Variants in LRRK2 observed in about 807,000 individuals in gnomAD.
The protein encoded by LRRK2 is leucine rich repeat kinase 2.
A neutral mutation model predicts 302.6 loss-of-function variants in LRRK2; 203 were observed. The observed-to-expected ratio is 0.67, with a 90% confidence interval of 0.60 to 0.75. LRRK2 has a LOEUF of 0.75. LRRK2 is among the 30% of genes least tolerant of loss of function. The pLI is 0.00. For missense variants in LRRK2, 2,830 were observed against 2,951.0 expected, an observed-to-expected ratio of 0.96 and a Z score of 0.95; for synonymous variants, 1,066 against 1,031.9, an observed-to-expected ratio of 1.03 and a Z score of -0.63.
At chr12:40,340,630 A>G (rs1055202883) in intron 41 of LRRK2, among the ~76,000 whole-genome samples, 176 bp downstream of exon 41, 4 of 152,230 alleles carry the variant, frequency 2.6e-5, no homozygotes, top group Non-Finnish European at 4.4e-5. Flanking sequence ...TTTTGTAGGA[A>G]AAAAACAATT....
At position 40,323,415 on chromosome 12, in the gene LRRK2, T is replaced by A. The variant is rs1317522277; in HGVS notation, c.5656+109T>A. 20 of 938,222 alleles carry A rather than the reference T, an allele frequency of 2.1e-5. No homozygotes were observed. The African/African-American group carries it at 2.9e-4, about 13-fold the overall frequency. 58.1% of individuals were successfully genotyped at this position (938,222 alleles called of 1,614,324 possible). On this transcript the variant is annotated intron_variant, in intron 38 of 50. Transcript: ENST00000298910. ...TGTCATAGATTTTACTGTCTTCATA[T>A]ATTTGTTATAATTTTTGTATTTGGA...
intron 40 of LRRK2, among the ~76,000 whole-genome samples, chr12:40,335,778 C>T (rs1347221665): frequency 2.0e-5 from 3 of 152,168 alleles, no homozygotes; most frequent in African/African-American, 7.2e-5. Flanking sequence ...ATGATGACTT[C>T]TGTAATAATT....
At chr12:40,283,841 A>C in intron 18 of LRRK2, 34 bp from the exon 19 acceptor site, 1 of 1,570,466 alleles carries the variant, frequency 6.4e-7, no homozygotes, top group South Asian at 1.2e-5. Context: ...AAAAATGTAG[A>C]TTTTTAATAT....
intron 19 of LRRK2, among the ~76,000 whole-genome samples, 177 bp from the exon 20 acceptor site, chr12:40,287,174 A>G (rs1293002670): frequency 6.6e-6 from 1 of 151,992 alleles, no homozygotes; most frequent in African/African-American, 2.4e-5. Context: ...GTTTTTTTAA[A>G]AAATATATGA....
At chr12:40,247,336 T>G (rs1245801430) in intron 7 of LRRK2, among the ~76,000 whole-genome samples, 1 of 151,702 alleles carries the variant, frequency 6.6e-6, no homozygotes, top group African/African-American at 2.4e-5. Context: ...GTTATATGAC[T>G]AAAACTGTAA....
Position 40,304,045 on chromosome 12 carries a change from A to G in LRRK2, c.3688A>G (p.Asn1230Asp). ...CTTAAGGGAACTCTTATTTAGCCATAATCAGATCAGCATCTTGGACTTGAG... is the reference window on the plus strand; with the variant it reads ...CTTAAGGGAACTCTTATTTAGCCATGATCAGATCAGCATCTTGGACTTGAG... ...LNLRELLFSH[N>D]QISILDLSEK... The change falls in exon 27 of 51, where the codon AAT becomes GAT. Residue 1230 changes from asparagine (N) to aspartate (D), a missense_variant. This residue lies in a region of LRRK2 where 2,121 missense variants were observed against 2,148.0 expected (regional missense o/e 0.99). Transcript: ENST00000298910. The G allele has an allele frequency of 6.2e-7, 1 of 1,613,776 alleles. No individual in the cohort carries two copies.
chr12:40,344,671 A>G (rs1946140140), intron 41 of LRRK2, among the ~76,000 whole-genome samples: 1 of 152,178 alleles, frequency 6.6e-6, no homozygotes, highest in Non-Finnish European at 1.5e-5. Flanking sequence ...TGATTTGTTT[A>G]CATTATGTCA....
chr12:40,290,989 ATG>A (rs981967910), intron 20 of LRRK2, among the ~76,000 whole-genome samples: 58 of 152,198 alleles, frequency 3.8e-4, no homozygotes, highest in Middle Eastern at 3.4e-3. Flanking sequence ...CAATATTTTG[ATG>A]TGTCCTCTTT....
chr12:40,313,056 T>C (rs536442715), intron 31 of LRRK2: 2 of 152,160 alleles, frequency 1.3e-5, no homozygotes, highest in South Asian at 2.1e-4. Context: ...AGTTAATTTT[T>C]TTCTGTGTGT....
At chr12:40,295,711 CA>C in intron 23 of LRRK2, 67 bp downstream of exon 23, 1 of 1,447,148 alleles carries the variant, frequency 6.9e-7, no homozygotes, top group South Asian at 1.2e-5. Flanking sequence ...ATCTAATTTG[CA>C]TAATTAAGTC....
At position 40,282,074 on chromosome 12, in the gene LRRK2, CCTTCCCTTCCCTTCT is replaced by C. The variant is rs1943728513; in HGVS notation, c.2242-1793_2242-1779del. Among the ~76,000 whole-genome samples, 10 of 35,706 alleles carry C rather than the reference CCTTCCCTTCCCTTCT, an allele frequency of 2.8e-4. 2 individuals carry two copies. The highest frequency in any genetic ancestry group is 1.6e-3 in the South Asian group (1 of 612). The allele number at this position is 35,706 out of a possible 152,430, so 23.4% of individuals were successfully genotyped here. A position where few individuals can be genotyped will look rare whatever the true frequency, so the allele number is the denominator to read the frequency against. ...CCTTCCCTTCCCTTCCCTTCCCTTC[CCTTCCCTTCCCTTCT>C]CTTCCCTCCCCTCCCCTTCTCTTCC... On this transcript the variant is annotated intron_variant, in intron 18 of 50. Transcript: ENST00000298910.
In LRRK2 at chr12:40,278,013, A is replaced by G. The variant is rs1267546932; in HGVS notation, c.2067A>G (p.Gln689=). The G allele has an allele frequency of 6.2e-7, 1 of 1,613,756 alleles. No individual in the cohort carries two copies. The highest frequency in any genetic ancestry group is 1.3e-5 in the African/African-American group (1 of 74,932). ...CCAATATCATGGAACAAAAGGATCA[A>G]CAGGTACAGTGTTTTTCACTTGCAT... is the stretch of plus-strand genomic sequence containing the variant. ...MSSNIMEQKD[Q]QFLNLCCKCF... is the part of the protein sequence containing the mutation. The change falls in exon 17 of 51, where the codon CAA becomes CAG. Residue 689 remains glutamine (Q), a synonymous_variant. Coordinates refer to ENST00000298910, the MANE Select transcript of LRRK2 (RefSeq NM_198578.4).
At chr12:40,291,301 G>A (rs1186979674) in intron 20 of LRRK2, among the ~76,000 whole-genome samples, 1 of 151,732 alleles carries the variant, frequency 6.6e-6, no homozygotes, top group Non-Finnish European at 1.5e-5. Context: ...AAGGGGGAGG[G>A]ATAGCATTAG....
chr12:40,303,560 T>G (rs1944702282), intron 26 of LRRK2, among the ~76,000 whole-genome samples: 1 of 152,112 alleles, frequency 6.6e-6, no homozygotes, highest in Non-Finnish European at 1.5e-5. Context: ...TTCTGTGAGC[T>G]TATATTTAGG....
intron 48 of LRRK2, among the ~76,000 whole-genome samples, chr12:40,364,630 A>G (rs1946821723): frequency 6.6e-6 from 1 of 151,800 alleles, no homozygotes; most frequent in Non-Finnish European, 1.5e-5. Flanking sequence ...ATGAAGGGCT[A>G]TTGTTATCTT....
At chr12:40,360,796 T>C (rs569183719) in intron 47 of LRRK2, among the ~76,000 whole-genome samples, 2 of 152,172 alleles carry the variant, frequency 1.3e-5, no homozygotes, top group East Asian at 3.9e-4. Context: ...TTGACTCAGA[T>C]CTCTAAGACA....
rs1941250201 is a variant in LRRK2, at chr12:40,232,496, T to C, written c.347+113T>C. The stretch of plus-strand genomic sequence containing the variant: ...CCAAGGCTACTCCTGTGGAATTCTT[T>C]AAAATACAGATATTTTTCCTTGAGT... On this transcript the variant is annotated intron_variant, in intron 3 of 50. Transcript: ENST00000298910. The C allele has an allele frequency of 1.3e-5, 10 of 780,384 alleles. No individual in the cohort carries two copies. In the South Asian group the frequency reaches 1.5e-4, roughly 11 times the overall value. The allele number at this position is 780,384 out of a possible 1,614,324, so 48.3% of individuals were successfully genotyped here. A position where few individuals can be genotyped will look rare whatever the true frequency, so the allele number is the denominator to read the frequency against.
intron 2 of LRRK2, among the ~76,000 whole-genome samples, chr12:40,228,583 G>A (rs954108532): frequency 4.0e-5 from 6 of 151,500 alleles, no homozygotes; most frequent in African/African-American, 1.5e-4. Flanking sequence ...TCTTTGTTGT[G>A]CAGAAGCTTT....
intron 20 of LRRK2, among the ~76,000 whole-genome samples, chr12:40,292,107 C>G (rs539839889): frequency 6.6e-6 from 1 of 152,094 alleles, no homozygotes; most frequent in African/African-American, 2.4e-5. Flanking sequence ...ATCTCAGTCT[C>G]CATAAATGTT....
Sources: allele counts gnomAD v4.1 joint callset (sites outside exome capture counted in the v4.1 genomes callset), GRCh38; gene constraint gnomAD v4.1.1; regional missense constraint gnomAD v4.1.1; transcripts MANE v1.5; gene names NCBI Gene and HGNC (gene_info 2026-07-23, HGNC 2026-07-21).